Variants in GSG1L observed in about 807,000 individuals in gnomAD.
GSG1L encodes germ cell-specific gene 1-like protein.
A neutral mutation model predicts 42.1 loss-of-function variants in GSG1L; 24 were observed. The observed-to-expected ratio is 0.57, with a 90% CI of 0.41 to 0.80. The LOEUF (loss-of-function observed/expected upper bound fraction) is 0.80, where lower values mean the gene tolerates loss of function less well. Among genes scored for constraint, GSG1L ranks in the 30% least tolerant of loss-of-function variants. The probability of loss-of-function intolerance (pLI) is 0.00; values close to 1 mark genes in which losing one functional copy is unlikely to be tolerated. For synonymous variants in GSG1L, 215 were observed against 203.5 expected, an observed-to-expected ratio of 1.06 and a Z score of -0.48; for missense variants, 445 against 472.2, an observed-to-expected ratio of 0.94 and a Z score of 0.53.
chr16:27,863,060 A>G (rs1366656751), intron 3 of GSG1L, among the ~76,000 whole-genome samples: 1 of 152,150 alleles, frequency 6.6e-6, no homozygotes, highest in Non-Finnish European at 1.5e-5. Flanking sequence ...TGTGTATGTT[A>G]AAAATCTCTA....
intron 6 of GSG1L, among the ~76,000 whole-genome samples, chr16:27,797,747 AG>A (rs2082834680): frequency 6.9e-6 from 1 of 144,052 alleles, no homozygotes; most frequent in African/African-American, 2.6e-5. Context: ...GTGTTAACCC[AG>A]GAGGCGGAGC....
In GSG1L at chr16:27,902,151, C is replaced by T. The variant is rs75342551; in HGVS notation, c.398-17513G>A. On this transcript the variant is annotated intron_variant, in intron 2 of 6. Coordinates refer to ENST00000447459, the MANE Select transcript of GSG1L (RefSeq NM_001109763.2). ...TTGTCTGTCTGTCCAGCACCCGCTCCGGGAACCACATCTGGCTCTGGCATG... is the reference window on the plus strand; with the variant it reads ...TTGTCTGTCTGTCCAGCACCCGCTCTGGGAACCACATCTGGCTCTGGCATG... Among the ~76,000 whole-genome samples, 909 of 152,286 alleles carry T rather than the reference C, an allele frequency of 6.0e-3. 8 individuals are homozygous for T. Among genetic ancestry groups the T allele is most frequent in the African/African-American group, 0.02 (821 of 41,530 alleles).
intron 3 of GSG1L, among the ~76,000 whole-genome samples, chr16:27,875,920 A>G (rs566687053): frequency 6.6e-6 from 1 of 152,306 alleles, no homozygotes; most frequent in East Asian, 1.9e-4. Context: ...GGCAGAGTTT[A>G]GAGATATAGA....
At chr16:28,031,218 A>AAGAGG (rs2085958690) in intron 1 of GSG1L, among the ~76,000 whole-genome samples, 1 of 57,188 alleles carries the variant, frequency 1.7e-5, no homozygotes, top group Non-Finnish European at 4.1e-5. Flanking sequence ...GATGAGATGG[A>AAGAGG]ATAGGATGGG....
In GSG1L at chr16:27,840,714, C is replaced by A. The variant is rs193107676; in HGVS notation, c.662+4236G>T. ...CCAATAGAATGCAGCAGGAGTGACACTGTGTGATTTCTGAGGTTGGCTCAT... is the reference window on the plus strand; with the variant it reads ...CCAATAGAATGCAGCAGGAGTGACAATGTGTGATTTCTGAGGTTGGCTCAT... On this transcript the variant is annotated intron_variant, in intron 4 of 6. Transcript: ENST00000447459. Among the ~76,000 whole-genome samples, 20 of 152,296 alleles carry A rather than the reference C, an allele frequency of 1.3e-4. No individual in the cohort carries two copies. The East Asian group carries it at 3.9e-3, about 29-fold the overall frequency.
intron 1 of GSG1L, among the ~76,000 whole-genome samples, chr16:28,007,589 T>C (rs2085658986): frequency 6.6e-6 from 1 of 152,114 alleles, no homozygotes. Context: ...CACAGGTCAC[T>C]GCCACCTCAA....
intron 3 of GSG1L, among the ~76,000 whole-genome samples, chr16:27,880,611 C>G (rs1204157038): frequency 6.6e-6 from 1 of 152,100 alleles, no homozygotes; most frequent in East Asian, 1.9e-4. Flanking sequence ...AGTGGGTCTC[C>G]CCACTAGGAG....
chr16:27,797,669 A>G (rs2082834157), intron 6 of GSG1L, among the ~76,000 whole-genome samples: 1 of 148,008 alleles, frequency 6.8e-6, no homozygotes, highest in Admixed American at 6.8e-5. Flanking sequence ...AAAAATATAA[A>G]AAATTAGCCA....
chr16:28,036,596 C>A (rs1267179378), intron 1 of GSG1L, among the ~76,000 whole-genome samples: 6 of 152,210 alleles, frequency 3.9e-5, no homozygotes, highest in Non-Finnish European at 7.3e-5. Flanking sequence ...TTCACCAGGA[C>A]TTCCTGGAAT....
chr16:27,954,087 G>A (rs1194344174), intron 2 of GSG1L, among the ~76,000 whole-genome samples: 2 of 152,154 alleles, frequency 1.3e-5, no homozygotes, highest in Non-Finnish European at 2.9e-5. Flanking sequence ...CACTCAGGAG[G>A]AAGTGTCCAG....
intron 1 of GSG1L, among the ~76,000 whole-genome samples, chr16:28,037,746 C>T (rs2086057332): frequency 6.6e-6 from 1 of 152,176 alleles, no homozygotes. Flanking sequence ...GACCAAAGTC[C>T]CATGGAGTCT....
intron 6 of GSG1L, among the ~76,000 whole-genome samples, chr16:27,796,030 A>C (rs2082814370): frequency 6.6e-6 from 1 of 152,202 alleles, no homozygotes; most frequent in Non-Finnish European, 1.5e-5. Flanking sequence ...AAACTGAGGC[A>C]CTTAGAGGGA....
intron 4 of GSG1L, among the ~76,000 whole-genome samples, chr16:27,844,678 T>C (rs896525617): frequency 6.6e-6 from 1 of 152,252 alleles, no homozygotes; most frequent in African/African-American, 2.4e-5. Flanking sequence ...TCCTCTTCCT[T>C]TGATTTATTT....
At chr16:27,979,392 C>T (rs962007238) in intron 1 of GSG1L, among the ~76,000 whole-genome samples, 2 of 151,216 alleles carry the variant, frequency 1.3e-5, no homozygotes, top group African/African-American at 2.4e-5. Context: ...ATAATGAAAC[C>T]CCATCTCTAC....
chr16:27,816,135 C>T (rs1238363273), intron 5 of GSG1L, among the ~76,000 whole-genome samples: 1 of 152,176 alleles, frequency 6.6e-6, no homozygotes, highest in Non-Finnish European at 1.5e-5. Context: ...CATATTCAGC[C>T]CCACCTCCCA....
At chr16:27,991,852 T>C (rs1050346249) in intron 1 of GSG1L, among the ~76,000 whole-genome samples, 2 of 152,172 alleles carry the variant, frequency 1.3e-5, no homozygotes, top group African/African-American at 4.8e-5. Context: ...CTGGGCCCAA[T>C]CTATTTCCCA....
rs1455007248 is a variant in GSG1L, at chr16:27,789,543, G to C, written c.*1827C>G. On this transcript the variant is annotated 3_prime_UTR_variant, in exon 7 of 7. Coordinates refer to ENST00000447459, the MANE Select transcript of GSG1L (RefSeq NM_001109763.2). ...ATGATGGATGGAAGGATAAATAATG[G>C]ATAAATGAAGAAATGCATAATGGTT... 2 of 151,938 alleles carry C rather than the reference G, an allele frequency of 1.3e-5. No individual in the cohort carries two copies. Among genetic ancestry groups the C allele is most frequent in the Admixed American group, 6.6e-5 (1 of 15,260 alleles). 9.4% of individuals were successfully genotyped at this position (151,938 alleles called of 1,614,324 possible).
chr16:27,789,213 A>G lies in GSG1L; in HGVS notation c.*2157T>C, dbSNP rs1456496222. On this transcript the variant is annotated 3_prime_UTR_variant, in exon 7 of 7. Coordinates refer to ENST00000447459, the MANE Select transcript of GSG1L (RefSeq NM_001109763.2). ...TGGATGATAGATAGGTGTAAGGATA[A>G]TGGATGGATAGATGATGAATAGATG... 1 of 152,202 alleles carries G rather than the reference A, an allele frequency of 6.6e-6. No individual in the cohort carries two copies. The highest frequency in any genetic ancestry group is 1.5e-5 in the Non-Finnish European group (1 of 68,052). The allele number at this position is 152,202 out of a possible 1,614,324, so 9.4% of individuals were successfully genotyped here.
intron 5 of GSG1L, 59 bp downstream of exon 5, chr16:27,828,730 G>A (rs1301065911): frequency 6.5e-7 from 1 of 1,537,046 alleles, no homozygotes; most frequent in African/African-American, 1.4e-5. Flanking sequence ...GGCCACTGAG[G>A]CCAGGCCGTG....
Sources: gnomAD v4.1 joint callset for allele counts (sites outside exome capture counted in the v4.1 genomes callset) on GRCh38, gnomAD v4.1.1 for gene constraint, MANE v1.5 for transcripts, NCBI Gene and HGNC (gene_info 2026-07-23, HGNC 2026-07-21) for gene names.